MECR: variants seen among roughly 807,000 people sequenced by gnomAD.
MECR encodes the protein mitochondrial trans-2-enoyl-CoA reductase, also known as enoyl-[acyl-carrier-protein] reductase, mitochondrial.
A neutral mutation model predicts 49.1 loss-of-function variants in MECR; 37 were observed. The observed-to-expected ratio is 0.75, with a 90% CI of 0.58 to 0.99. The LOEUF (loss-of-function observed/expected upper bound fraction) is 0.99, where lower values mean the gene tolerates loss of function less well. Among genes scored for constraint, MECR ranks in the 50% least tolerant of loss-of-function variants. The probability of loss-of-function intolerance (pLI) is 0.00; values close to 1 mark genes in which losing one functional copy is unlikely to be tolerated. For synonymous variants in MECR, 198 were observed against 191.1 expected (o/e 1.04, Z -0.30); for missense variants, 470 against 479.6 (o/e 0.98, Z 0.19).
chr1:29,178,276 C>T, the MECR span, among the ~76,000 whole-genome samples: 5 of 152,074 alleles, frequency 3.3e-5, no homozygotes, highest in South Asian at 1.0e-3. Flanking sequence ...ATACATCTCA[C>T]TTCTACAAAT....
chr1:29,229,285 C>T (rs1381535770), intron 1 of MECR, among the ~76,000 whole-genome samples: 1 of 152,038 alleles, frequency 6.6e-6, no homozygotes, highest in Non-Finnish European at 1.5e-5. Context: ...TCACTGCAAC[C>T]TCCGCCTCCT....
At chr1:29,178,550 G>C in the MECR span, among the ~76,000 whole-genome samples, 1 of 151,574 alleles carries the variant, frequency 6.6e-6, no homozygotes, top group Non-Finnish European at 1.5e-5. Context: ...TAGAGACGGG[G>C]TTTCACCATC....
In MECR at chr1:29,216,656, C is replaced by T. The variant is rs747721529; in HGVS notation, c.206G>A (p.Arg69Lys). Residue 69 changes from arginine to lysine, a missense_variant, in exon 2 of 10, where the codon AGA (arginine) becomes AAA (lysine). Transcript: ENST00000263702. Reference sequence around the variant, plus strand: ...CATCTTCACACGGACATCTGATCCTCTCACAGCAGCTAGCTCCAGGTTCTT... The same window carrying T: ...CATCTTCACACGGACATCTGATCCTTTCACAGCAGCTAGCTCCAGGTTCTT... Reference protein sequence around the residue: ...ELKNLELAAVRGSDVRVKMLA... With the variant: ...ELKNLELAAVKGSDVRVKMLA... 3 of 1,614,114 alleles carry T rather than the reference C, an allele frequency of 1.9e-6. No homozygotes were observed. The highest frequency in any genetic ancestry group is 2.7e-5 in the African/African-American group (2 of 74,932).
At chr1:29,221,837 CT>C (rs1203210344) in intron 1 of MECR, among the ~76,000 whole-genome samples, 1 of 152,122 alleles carries the variant, frequency 6.6e-6, no homozygotes, top group Non-Finnish European at 1.5e-5. Context: ...GAAATGACAA[CT>C]TATGTCGATG....
chr1:29,174,987 T>TTA, the MECR span, among the ~76,000 whole-genome samples: 1 of 134,170 alleles, frequency 7.5e-6, no homozygotes, highest in Non-Finnish European at 1.6e-5. Context: ...GTTTTTTAAT[T>TTA]AAAAAAAAAA....
chr1:29,222,877 C>A (rs930982041), intron 1 of MECR, among the ~76,000 whole-genome samples: 3 of 152,198 alleles, frequency 2.0e-5, no homozygotes, highest in African/African-American at 7.2e-5. Context: ...CCAGGGAATG[C>A]CATCAATACC....
At chr1:29,204,940 G>A (rs552193968) in intron 4 of MECR, among the ~76,000 whole-genome samples, 1 of 152,390 alleles carries the variant, frequency 6.6e-6, no homozygotes, top group East Asian at 1.9e-4. Context: ...GCCTTGGACA[G>A]TGGCTGGGCA....
downstream of MECR, among the ~76,000 whole-genome samples, chr1:29,189,051 T>C (rs1447177748): frequency 2.0e-5 from 3 of 152,104 alleles, no homozygotes; most frequent in East Asian, 3.9e-4. Flanking sequence ...GCAATTCTCC[T>C]GTCTCAGCCT....
At chr1:29,179,820 G>A in the MECR span, among the ~76,000 whole-genome samples, 8 of 152,224 alleles carry the variant, frequency 5.3e-5, no homozygotes, top group Middle Eastern at 0.01. Flanking sequence ...ATTTATTCAA[G>A]AGCAGAACTG....
Position 29,212,796 on chromosome 1 carries a change from C to A in MECR, c.406+3209G>T, listed in dbSNP as rs771535525. Among the ~76,000 whole-genome samples the A allele has an allele frequency of 1.5e-4, 23 of 152,352 alleles. No homozygotes were observed. In the East Asian group the frequency reaches 3.3e-3, roughly 22 times the overall value. On this transcript the variant is annotated intron_variant, in intron 3 of 9. Coordinates refer to ENST00000263702, the MANE Select transcript of MECR (RefSeq NM_016011.5). The stretch of plus-strand genomic sequence containing the variant: ...TAACTCTCTGTTGGTACCCCTCGCA[C>A]CGTGGATGCAGGACCGCTGGGACCC...
At chr1:29,192,297 G>C (rs1296264122), downstream of MECR, among the ~76,000 whole-genome samples, 1 of 152,150 alleles carries the variant, frequency 6.6e-6, no homozygotes, top group Non-Finnish European at 1.5e-5. Context: ...CTGAGTGCCA[G>C]GCTCTCAGGC....
chr1:29,188,036 C>CAAAAAA (rs57284689), downstream of MECR, among the ~76,000 whole-genome samples: 5 of 66,392 alleles, frequency 7.5e-5, no homozygotes, highest in Non-Finnish European at 7.9e-5. Flanking sequence ...GACTCTGTCT[C>CAAAAAA]AAAAAAAAAA....
intron 4 of MECR, 35 bp downstream of exon 4, chr1:29,206,727 A>G: frequency 6.2e-7 from 1 of 1,611,710 alleles, no homozygotes; most frequent in Non-Finnish European, 8.5e-7. Context: ...TAGTTGCGAG[A>G]CCCTGGCCTG....
chr1:29,178,037 T>A, the MECR span, among the ~76,000 whole-genome samples: 1 of 149,634 alleles, frequency 6.7e-6, no homozygotes, highest in Non-Finnish European at 1.5e-5. Flanking sequence ...GGAGCTGGGA[T>A]TACAGGTGCC....
At chr1:29,189,398 G>GT (rs1379137960), downstream of MECR, among the ~76,000 whole-genome samples, 3 of 150,062 alleles carry the variant, frequency 2.0e-5, no homozygotes, top group South Asian at 2.1e-4. Flanking sequence ...AGATGGGTTG[G>GT]GGGGGGGTCT....
chr1:29,203,694 G>A (rs1405115714), intron 4 of MECR, among the ~76,000 whole-genome samples: 2 of 152,170 alleles, frequency 1.3e-5, no homozygotes, highest in African/African-American at 4.8e-5. Context: ...CTCCCACAGT[G>A]CTCTGTGGGC....
intron 1 of MECR, among the ~76,000 whole-genome samples, chr1:29,228,353 CT>C (rs5773235): frequency 0.76 from 101,786 of 134,512 alleles, 39,111 homozygotes; most frequent in Non-Finnish European, 0.86. Context: ...GTGGAAGTAT[CT>C]TTTTTTTTTT....
In MECR at chr1:29,217,127, C is replaced by CAA. The variant is rs1195549293; in HGVS notation, c.177-444_177-443dup. 1.5e-3 allele frequency among the ~76,000 whole-genome samples: 71 copies of CAA among 47,284 alleles called. 1 individual carries two copies. Among genetic ancestry groups the CAA allele is most frequent in the Non-Finnish European group, 2.1e-3 (60 of 28,562 alleles). 31.0% of individuals were successfully genotyped at this position (47,284 alleles called of 152,430 possible). Reference sequence around the variant, plus strand: ...TGGGTGACAAAGCAAGACTTTGTCTCAAAAAAAAAAAAAAAAAAAAAAAAA... The same window carrying CAA: ...TGGGTGACAAAGCAAGACTTTGTCTCAAAAAAAAAAAAAAAAAAAAAAAAAAA... On this transcript the variant is annotated intron_variant, in intron 1 of 9. Coordinates refer to ENST00000263702, the MANE Select transcript of MECR (RefSeq NM_016011.5).
At position 29,206,759 on chromosome 1, in the gene MECR, T is replaced by C; in HGVS notation, c.550+3A>G. 2 of 1,614,056 alleles carry C rather than the reference T, an allele frequency of 1.2e-6. No individual in the cohort carries two copies. Among genetic ancestry groups the C allele is most frequent in the Non-Finnish European group, 1.7e-6 (2 of 1,179,944 alleles). On this transcript the variant is annotated splice_donor_region_variant and intron_variant, in intron 4 of 9. Coordinates refer to ENST00000263702, the MANE Select transcript of MECR (RefSeq NM_016011.5). The stretch of plus-strand genomic sequence containing the variant: ...CCTGCTCCCCCAACCTGTGGGTTCC[T>C]ACCTGGCTGCAGTTGCTCGAAGTCC...
Sources: allele counts gnomAD v4.1 joint callset (sites outside exome capture counted in the v4.1 genomes callset), GRCh38; gene constraint gnomAD v4.1.1; transcripts MANE v1.5; gene names NCBI Gene and HGNC (gene_info 2026-07-23, HGNC 2026-07-21).